The following TRDN variants were observed in gnomAD, a reference collection of about 807,000 sequenced individuals.
TRDN encodes the protein triadin in skeletal muscle.
A neutral mutation model predicts 149.7 loss-of-function variants in TRDN; 161 were observed. The observed-to-expected ratio is 1.08, with a 90% CI of 0.95 to 1.23. The LOEUF (loss-of-function observed/expected upper bound fraction) is 1.23. TRDN is among the 50% of genes most tolerant of loss of function. The probability of loss-of-function intolerance (pLI) is 0.00; values close to 1 mark genes in which losing one functional copy is unlikely to be tolerated. For missense variants in TRDN, 896 were observed against 823.5 expected (o/e 1.09, Z -1.08); for synonymous variants, 294 against 250.5 (o/e 1.17, Z -1.64).
chr6:123,521,941 G>A (rs1779701172), intron 5 of TRDN, among the ~76,000 whole-genome samples: 1 of 152,092 alleles, frequency 6.6e-6, no homozygotes, highest in African/African-American at 2.4e-5. Flanking sequence ...ATTCATCATG[G>A]AATTTGTAGT....
At chr6:123,321,150 A>T (rs1468619779) in intron 23 of TRDN, among the ~76,000 whole-genome samples, 3 of 152,086 alleles carry the variant, frequency 2.0e-5, no homozygotes, top group Non-Finnish European at 2.9e-5. Flanking sequence ...CCAGTTCTGG[A>T]TCCACATCAG....
At chr6:123,321,637 C>T (rs1202092902) in intron 23 of TRDN, among the ~76,000 whole-genome samples, 1 of 152,070 alleles carries the variant, frequency 6.6e-6, no homozygotes, top group Non-Finnish European at 1.5e-5. Flanking sequence ...CACACACACA[C>T]TCACACTCTT....
intron 12 of TRDN, among the ~76,000 whole-genome samples, chr6:123,409,908 T>G (rs1003022942): frequency 1.3e-5 from 2 of 152,054 alleles, no homozygotes; most frequent in African/African-American, 4.8e-5. Context: ...AGGATAAGGA[T>G]TTGAACAAAG....
intron 33 of TRDN, among the ~76,000 whole-genome samples, chr6:123,261,549 C>T (rs1776772784): frequency 6.6e-6 from 1 of 151,390 alleles, no homozygotes; most frequent in South Asian, 2.1e-4. Flanking sequence ...CAAATAATAA[C>T]ATTTCCAGAA....
At chr6:123,449,219 G>C (rs755608435) in intron 10 of TRDN, among the ~76,000 whole-genome samples, 7 of 152,012 alleles carry the variant, frequency 4.6e-5, no homozygotes, top group Non-Finnish European at 7.4e-5. Context: ...AAACCAAGAA[G>C]AAATCTCTGA....
intron 1 of TRDN, among the ~76,000 whole-genome samples, chr6:123,602,887 C>A (rs993463830): frequency 5.3e-5 from 8 of 152,016 alleles, no homozygotes; most frequent in African/African-American, 1.9e-4. Context: ...GTTATTCATA[C>A]ACATCAACGA....
intron 1 of TRDN, among the ~76,000 whole-genome samples, chr6:123,626,605 T>C (rs909680471): frequency 2.6e-5 from 4 of 152,208 alleles, no homozygotes; most frequent in African/African-American, 7.2e-5. Flanking sequence ...CTTCCTCCAC[T>C]GATGTCTTGA....
At chr6:123,423,388 T>A (rs1773988450) in intron 12 of TRDN, among the ~76,000 whole-genome samples, 1 of 152,136 alleles carries the variant, frequency 6.6e-6, no homozygotes, top group Non-Finnish European at 1.5e-5. Flanking sequence ...ATTCACTCTC[T>A]AAACCAGCTA....
intron 1 of TRDN, among the ~76,000 whole-genome samples, chr6:123,610,070 T>A (rs914880490): frequency 3.3e-5 from 5 of 152,118 alleles, no homozygotes; most frequent in African/African-American, 1.2e-4. Flanking sequence ...AAAATAGCTT[T>A]AATTTTCACC....
At chr6:123,578,566 T>C (rs181690879) in intron 1 of TRDN, among the ~76,000 whole-genome samples, 1 of 152,160 alleles carries the variant, frequency 6.6e-6, no homozygotes, top group Non-Finnish European at 1.5e-5. Context: ...AGCCCTGTAG[T>C]ATGGTTTGAA....
chr6:123,534,280 C>G (rs1339588755), intron 4 of TRDN, among the ~76,000 whole-genome samples: 1 of 152,166 alleles, frequency 6.6e-6, no homozygotes, highest in Non-Finnish European at 1.5e-5. Context: ...GACATACACA[C>G]ACCTACATTT....
rs578032497 is a variant in TRDN at position 123,427,456 on chromosome 6, T to C, written c.1051+10607A>G. On this transcript the variant is annotated intron_variant, in intron 12 of 40. Transcript: ENST00000334268. ...AGCATCTTGTAAGTCTTCTTAAATG[T>C]AATGTAATCCTTCTTCTTACAGGAT... Among the ~76,000 whole-genome samples, 4 of 152,248 alleles carry C rather than the reference T, an allele frequency of 2.6e-5. 1 individual carries two copies. In the South Asian group the frequency reaches 6.2e-4, roughly 24 times the overall value.
At chr6:123,459,238 C>T (rs13203461) in intron 10 of TRDN, among the ~76,000 whole-genome samples, 25,752 of 152,148 alleles carry the variant, frequency 0.17, 2,353 homozygotes, top group South Asian at 0.29. Flanking sequence ...CTCTCCACCC[C>T]GACCCTTATG....
At chr6:123,339,699 A>C (rs559507305) in intron 21 of TRDN, among the ~76,000 whole-genome samples, 2 of 152,348 alleles carry the variant, frequency 1.3e-5, no homozygotes, top group African/African-American at 4.8e-5. Flanking sequence ...ATACAAAAGC[A>C]AAATAAACCA....
At chr6:123,449,985 G>T (rs1191865262) in intron 10 of TRDN, among the ~76,000 whole-genome samples, 2 of 152,116 alleles carry the variant, frequency 1.3e-5, no homozygotes, top group Non-Finnish European at 2.9e-5. Context: ...ATATATGAAG[G>T]AAAGATGAAG....
chr6:123,412,894 G>A (rs1021877830), intron 12 of TRDN, among the ~76,000 whole-genome samples: 2 of 152,104 alleles, frequency 1.3e-5, no homozygotes, highest in African/African-American at 4.8e-5. Context: ...CGGTTCATTA[G>A]TAACTAGCTA....
At chr6:123,434,230 A>G (rs1438618431) in intron 12 of TRDN, among the ~76,000 whole-genome samples, 2 of 152,158 alleles carry the variant, frequency 1.3e-5, no homozygotes, top group East Asian at 3.9e-4. Flanking sequence ...ATTTTTATAG[A>G]TACTATTGAT....
chr6:123,252,331 A>C (rs1220830541), intron 38 of TRDN, 81 bp downstream of exon 38: 1 of 916,994 alleles, frequency 1.1e-6, no homozygotes, highest in Non-Finnish European at 1.6e-6. Flanking sequence ...CACTTCAAAA[A>C]TAAAAATATT....
chr6:123,360,991 T>G (rs1780878818), intron 20 of TRDN, among the ~76,000 whole-genome samples: 1 of 152,158 alleles, frequency 6.6e-6, no homozygotes, highest in African/African-American at 2.4e-5. Context: ...TGATGGGCAT[T>G]TGGGTTGGTT....
Sources: allele counts gnomAD v4.1 joint callset (sites outside exome capture counted in the v4.1 genomes callset), GRCh38; gene constraint gnomAD v4.1.1; transcripts MANE v1.5; gene names NCBI Gene and HGNC (gene_info 2026-07-23, HGNC 2026-07-21).